The following UBQLN4 variants were observed in gnomAD, a reference collection of about 807,000 sequenced individuals.
UBQLN4 encodes the protein ubiquilin-4.
UBQLN4 carries 11 observed loss-of-function variants against 60.4 expected under a neutral mutation model. The ratio of observed to expected loss-of-function variants is 0.18; its 90% CI spans 0.11 to 0.30. The LOEUF is 0.30. Ranked by LOEUF, UBQLN4 falls within the 10% of genes least tolerant of loss-of-function variation. The probability of loss-of-function intolerance (pLI) is 1.00; values close to 1 mark genes in which losing one functional copy is unlikely to be tolerated. For missense variants in UBQLN4, 417 were observed against 795.5 expected (o/e 0.52, Z 5.72); for synonymous variants, 258 against 313.1 (o/e 0.82, Z 1.86).
intron 10 of UBQLN4, among the ~76,000 whole-genome samples, chr1:156,039,284 C>T (rs1683485159): frequency 1.7e-5 from 2 of 119,688 alleles, no homozygotes; most frequent in South Asian, 5.6e-4. Context: ...GAGTTTCACT[C>T]TTGTTGCCCA....
rs199738869 is a variant in UBQLN4 at position 156,042,192 on chromosome 1, C to T, written c.1311G>A (p.Gln437=). ...CTGGGAGCTGCAGGCGGAGCTGCTCCTGCAGTTGGGGGTTCCCCGCGAAGA... is the reference window on the plus strand; with the variant it reads ...CTGGGAGCTGCAGGCGGAGCTGCTCTTGCAGTTGGGGGTTCCCCGCGAAGA... ...VPLFAGNPQL[Q]EQLRLQLPVF... is the part of the protein sequence containing the mutation. Residue 437 remains glutamine, a synonymous_variant, in exon 8 of 11, where the codon CAG becomes CAA. Coordinates refer to ENST00000368309, the MANE Select transcript of UBQLN4 (RefSeq NM_020131.5). 1.1e-5 allele frequency: 18 copies of T among 1,608,422 alleles called. No individual in the cohort carries two copies. In the African/African-American group the frequency reaches 2.0e-4, roughly 18 times the overall value.
In UBQLN4 at chr1:156,041,898, C is replaced by T. The variant is rs1244877180; in HGVS notation, c.1440G>A (p.Gln480=). 13 of 1,613,536 alleles carry T rather than the reference C, an allele frequency of 8.1e-6. No individual in the cohort carries two copies. The highest frequency in any genetic ancestry group is 1.0e-5 in the Non-Finnish European group (12 of 1,179,910). ...LQIQQGLQTL[Q]TEAPGLVPSL... ...TGGGTACCAGCCCAGGGGCCTCGGTCTGCAAGGTCTGTAGTCCCTGCTGGA... is the reference window on the plus strand; with the variant it reads ...TGGGTACCAGCCCAGGGGCCTCGGTTTGCAAGGTCTGTAGTCCCTGCTGGA... Residue 480 remains glutamine (Q), a synonymous_variant, in exon 9 of 11, where the codon CAG becomes CAA. Transcript: ENST00000368309.
In UBQLN4 at chr1:156,035,568, C is replaced by G. The variant is rs1683378705; in HGVS notation, c.*1410G>C. 1.7e-5 allele frequency: 17 copies of G among 985,284 alleles called. No individual in the cohort carries two copies. In the South Asian group the frequency reaches 8.0e-4, roughly 46 times the overall value. 61.0% of individuals were successfully genotyped at this position (985,284 alleles called of 1,614,324 possible). On this transcript the variant is annotated 3_prime_UTR_variant, in exon 11 of 11. Transcript: ENST00000368309. ...TTCCAGATCAAAGGCATCATTGCCA[C>G]CCTCTCCTCTCCTTCCTCAAAGAAA... is the stretch of plus-strand genomic sequence containing the variant.
intron 5 of UBQLN4, among the ~76,000 whole-genome samples, chr1:156,045,715 G>C (rs1683680193): frequency 6.6e-6 from 1 of 152,192 alleles, no homozygotes; most frequent in Admixed American, 6.5e-5. Context: ...CTGAGAACCA[G>C]CTGTCTTGTA....
downstream of UBQLN4, among the ~76,000 whole-genome samples, chr1:156,034,701 A>G (rs972806866): frequency 4.0e-5 from 6 of 150,532 alleles, no homozygotes; most frequent in Admixed American, 4.0e-4. Context: ...CACCTGACCT[A>G]TGGGGAAGTA....
intron 4 of UBQLN4, among the ~76,000 whole-genome samples, chr1:156,049,423 G>A (rs1011455738): frequency 1.3e-5 from 2 of 152,156 alleles, no homozygotes; most frequent in Non-Finnish European, 2.9e-5. Context: ...AATAAGGGGT[G>A]GCTATGTCAA....
chr1:156,048,630 C>A lies in UBQLN4; in HGVS notation c.771G>T (p.Met257Ile). 6.2e-7 allele frequency: 1 copy of A among 1,614,054 alleles called. No individual in the cohort carries two copies. Among genetic ancestry groups the A allele is most frequent in the Non-Finnish European group, 8.5e-7 (1 of 1,179,916 alleles). Residue 257 changes from methionine (M) to isoleucine (I), a missense_variant, in exon 5 of 11, where the codon ATG becomes ATT. Met to Ile is a conservative substitution (Grantham distance 10). Transcript: ENST00000368309. This position sits in a 1 kb window ranked among gnomAD's most constrained non-coding sequence, Gnocchi z 4.9. ...QTMELARNPA[M>I]MQEMMRNQDR... Reference sequence around the variant, plus strand: ...CCTGGTTCCGCATCATCTCTTGCATCATGGCTGGATTCCGAGCAAGCTCCA... The same window carrying A: ...CCTGGTTCCGCATCATCTCTTGCATAATGGCTGGATTCCGAGCAAGCTCCA...
chr1:156,038,755 C>T (rs1683469738), intron 10 of UBQLN4, among the ~76,000 whole-genome samples: 1 of 151,038 alleles, frequency 6.6e-6, no homozygotes, highest in Admixed American at 6.6e-5. Flanking sequence ...GATCCTCCTG[C>T]CTTGGCCTCT....
intron 10 of UBQLN4, among the ~76,000 whole-genome samples, chr1:156,037,666 T>C (rs1683444620): frequency 6.6e-6 from 1 of 152,134 alleles, no homozygotes; most frequent in African/African-American, 2.4e-5. Context: ...CTTTTTTAGA[T>C]TTTCAAGATA....
chr1:156,033,173 G>A (rs1158799989), downstream of UBQLN4: 1 of 978,704 alleles, frequency 1.0e-6, no homozygotes, highest in Non-Finnish European at 1.2e-6. Context: ...AGGAAAACAA[G>A]GCATCCGACT....
Position 156,050,586 on chromosome 1 carries a change from C to T in UBQLN4, c.479-33G>A. ...AAGGGGGCAGGGTCACAGTCTGCCA[C>T]AAGAACAGTGTCCTCACTTAGCCAG... On this transcript the variant is annotated intron_variant, in intron 3 of 10. Coordinates refer to ENST00000368309, the MANE Select transcript of UBQLN4 (RefSeq NM_020131.5). The surrounding 1 kb of genome is among the most constrained non-coding windows in gnomAD (Gnocchi z 4.6). 1 of 1,578,420 alleles carries T rather than the reference C, an allele frequency of 6.3e-7. No homozygotes were observed. Among genetic ancestry groups the T allele is most frequent in the Non-Finnish European group, 8.6e-7 (1 of 1,160,960 alleles).
intron 6 of UBQLN4, 55 bp from the exon 7 acceptor site, chr1:156,042,968 G>A (rs1399768041): frequency 3.8e-6 from 6 of 1,583,246 alleles, no homozygotes; most frequent in African/African-American, 1.4e-5. Flanking sequence ...GATGGAAACC[G>A]AAGGCCTCAC....
rs939381451 is a variant in UBQLN4, at chr1:156,048,174, C to A, written c.900+327G>T. ...GATTCTGATGCAGGTGATCCATGGACCATACTTGAGACATGCTGTATCAGG... is the reference window on the plus strand; with the variant it reads ...GATTCTGATGCAGGTGATCCATGGAACATACTTGAGACATGCTGTATCAGG... On this transcript the variant is annotated intron_variant, in intron 5 of 10. Coordinates refer to ENST00000368309, the MANE Select transcript of UBQLN4 (RefSeq NM_020131.5). This position sits in a 1 kb window ranked among gnomAD's most constrained non-coding sequence, Gnocchi z 4.9. Among the ~76,000 whole-genome samples the A allele has an allele frequency of 1.1e-4, 16 of 152,058 alleles. No individual in the cohort carries two copies. Among genetic ancestry groups the A allele is most frequent in the African/African-American group, 3.9e-4 (16 of 41,396 alleles).
At chr1:156,042,124 A>G (rs1483072030) in intron 8 of UBQLN4, 29 bp downstream of exon 8, 1 of 1,606,030 alleles carries the variant, frequency 6.2e-7, no homozygotes, top group South Asian at 1.1e-5. Flanking sequence ...CTTGCCCTCA[A>G]CCTCCACCCA....
At position 156,035,933 on chromosome 1, in the gene UBQLN4, A is replaced by G; in HGVS notation, c.*1045T>C. 1 of 985,394 alleles carries G rather than the reference A, an allele frequency of 1.0e-6. No individual in the cohort carries two copies. Among genetic ancestry groups the G allele is most frequent in the Non-Finnish European group, 1.2e-6 (1 of 829,908 alleles). 61.0% of individuals were successfully genotyped at this position (985,394 alleles called of 1,614,324 possible). A position where few individuals can be genotyped will look rare whatever the true frequency, so the allele number is the denominator to read the frequency against. On this transcript the variant is annotated 3_prime_UTR_variant, in exon 11 of 11. Transcript: ENST00000368309. ...CATGTGGATACACATGCACCTCCCC[A>G]CTACTCACACAGACCCCAACCCCCT...
chr1:156,042,988 C>T, intron 6 of UBQLN4, 75 bp from the exon 7 acceptor site: 1 of 1,542,146 alleles, frequency 6.5e-7, no homozygotes, highest in East Asian at 2.4e-5. Flanking sequence ...CTTCAATCTA[C>T]CTTACTTCAG....
rs1191428320 is a variant in UBQLN4, at chr1:156,035,643, T to A, written c.*1335A>T. 1.0e-6 allele frequency: 1 copy of A among 983,268 alleles called. No homozygotes were observed. The highest frequency in any genetic ancestry group is 1.2e-6 in the Non-Finnish European group (1 of 828,498). The allele number at this position is 983,268 out of a possible 1,614,324, so 60.9% of individuals were successfully genotyped here. On this transcript the variant is annotated 3_prime_UTR_variant, in exon 11 of 11. Transcript: ENST00000368309. ...TTAAGAACTGAAAGGCCAGGGGCTC[T>A]GGAGGAAAAAAACCCTCTACTATTC... is the stretch of plus-strand genomic sequence containing the variant.
In UBQLN4 at chr1:156,037,145, C is replaced by T. The variant is rs757103542; in HGVS notation, c.1654-15G>A. 2 of 1,612,688 alleles carry T rather than the reference C, an allele frequency of 1.2e-6. No individual in the cohort carries two copies. The highest frequency in any genetic ancestry group is 1.7e-5 in the Admixed American group (1 of 59,640). ...GGCGTCTGCACCTGGAGGGGACAGG[C>T]CTTGTGAAGTGGGCACAGGACCAAT... On this transcript the variant is annotated splice_polypyrimidine_tract_variant and intron_variant, in intron 10 of 10. Transcript: ENST00000368309.
At chr1:156,052,651 T>A (rs1274052446) in intron 1 of UBQLN4, among the ~76,000 whole-genome samples, 1 of 152,122 alleles carries the variant, frequency 6.6e-6, no homozygotes, top group African/African-American at 2.4e-5. Context: ...ATGAGAAAAC[T>A]GAGGATCAGC....
Sources: gnomAD v4.1 joint callset for allele counts (sites outside exome capture counted in the v4.1 genomes callset) on GRCh38, gnomAD v4.1.1 for gene constraint, Gnocchi (gnomAD v3.1) non-coding constraint, MANE v1.5 for transcripts, NCBI Gene and HGNC (gene_info 2026-07-23, HGNC 2026-07-21) for gene names.